The following ROBO1 variants were observed in gnomAD, a reference collection of about 807,000 sequenced individuals.
ROBO1 encodes the protein roundabout homolog 1.
In ROBO1, 149 loss-of-function variants were observed where a neutral mutation model predicts 195.9. The observed-to-expected ratio is 0.76, with a 90% CI of 0.67 to 0.87. ROBO1 has a LOEUF of 0.87. ROBO1 is among the 40% of genes least tolerant of loss of function. ROBO1 has a pLI of 0.00. For missense variants in ROBO1, 1,933 were observed against 2,068.3 expected, an observed-to-expected ratio of 0.93 and a Z score of 1.27; for synonymous variants, 816 against 733.2, an observed-to-expected ratio of 1.11 and a Z score of -1.82.
At chr3:79,547,869 GGA>G (rs1482737398) in intron 2 of ROBO1, among the ~76,000 whole-genome samples, 29 of 152,200 alleles carry the variant, frequency 1.9e-4, no homozygotes, top group Non-Finnish European at 7.4e-5. Context: ...GGGGTAAAGT[GGA>G]ATAATAATTA....
chr3:79,011,033 A>G (rs1291186205), intron 3 of ROBO1, among the ~76,000 whole-genome samples: 1 of 152,168 alleles, frequency 6.6e-6, no homozygotes, highest in African/African-American at 2.4e-5. Flanking sequence ...CCTGTACAAG[A>G]TGGTTTACTT....
chr3:79,630,212 C>A (rs1203784492), intron 1 of ROBO1, among the ~76,000 whole-genome samples: 1 of 151,982 alleles, frequency 6.6e-6, no homozygotes, highest in African/African-American at 2.4e-5. Flanking sequence ...AGGCCAATAT[C>A]TCTGATGAAA....
At chr3:79,055,283 AG>A (rs1181682313) in intron 3 of ROBO1, among the ~76,000 whole-genome samples, 1 of 152,140 alleles carries the variant, frequency 6.6e-6, no homozygotes, top group Non-Finnish European at 1.5e-5. Flanking sequence ...TTTTAAACAA[AG>A]GAGATAAGAC....
intron 2 of ROBO1, among the ~76,000 whole-genome samples, chr3:79,413,923 C>T (rs1280753567): frequency 6.6e-6 from 1 of 152,020 alleles, no homozygotes; most frequent in Non-Finnish European, 1.5e-5. Flanking sequence ...TATTTTTCTT[C>T]ATTCCTTCTA....
intron 2 of ROBO1, among the ~76,000 whole-genome samples, chr3:79,541,811 A>ATGTG (rs759471208): frequency 6.8e-6 from 1 of 146,972 alleles, no homozygotes; most frequent in Non-Finnish European, 1.5e-5. Flanking sequence ...GTGTATATAT[A>ATGTG]TGTGTGTGTG....
At chr3:78,885,909 T>TATATATATA (rs2036531933) in intron 4 of ROBO1, among the ~76,000 whole-genome samples, 2 of 117,752 alleles carry the variant, frequency 1.7e-5, no homozygotes, top group African/African-American at 6.7e-5. Flanking sequence ...TAGCAAAATT[T>TATATATATA]TATATATATA....
intron 2 of ROBO1, among the ~76,000 whole-genome samples, chr3:79,230,644 T>C (rs774281790): frequency 3.9e-5 from 6 of 152,080 alleles, no homozygotes; most frequent in Admixed American, 2.0e-4. Context: ...CCCATGCTCA[T>C]GGATAGGAAG....
intron 4 of ROBO1, among the ~76,000 whole-genome samples, chr3:78,844,657 T>C (rs532380127): frequency 1.4e-3 from 215 of 152,192 alleles, no homozygotes; most frequent in Non-Finnish European, 8.4e-4. Context: ...AAAATACACT[T>C]GATCCTCAAT....
chr3:78,925,445 A>C (rs1164544620), intron 4 of ROBO1, among the ~76,000 whole-genome samples: 26 of 152,210 alleles, frequency 1.7e-4, no homozygotes, highest in Admixed American at 1.7e-3. Context: ...GTTTCCAAAC[A>C]GGAAAAAAAT....
chr3:78,882,795 C>A (rs1173166797), intron 4 of ROBO1, among the ~76,000 whole-genome samples: 1 of 150,146 alleles, frequency 6.7e-6, no homozygotes, highest in East Asian at 2.0e-4. Flanking sequence ...CGGGATAACA[C>A]CTCTGTTCTT....
intron 4 of ROBO1, among the ~76,000 whole-genome samples, chr3:78,907,982 A>G (rs184332757): frequency 1.3e-5 from 2 of 152,086 alleles, no homozygotes; most frequent in African/African-American, 4.8e-5. Flanking sequence ...CCAAAGTATC[A>G]TTCATGGAAA....
intron 4 of ROBO1, among the ~76,000 whole-genome samples, chr3:78,882,179 G>C (rs1189412896): frequency 6.6e-6 from 1 of 152,048 alleles, no homozygotes; most frequent in East Asian, 1.9e-4. Flanking sequence ...GAGATACAGG[G>C]CTACATTTGG....
At chr3:79,365,205 C>T (rs984028759) in intron 2 of ROBO1, among the ~76,000 whole-genome samples, 7 of 152,098 alleles carry the variant, frequency 4.6e-5, no homozygotes, top group African/African-American at 1.2e-4. Flanking sequence ...ATCTAATGGC[C>T]ACAGCCACCC....
intron 4 of ROBO1, among the ~76,000 whole-genome samples, chr3:78,780,326 A>G (rs915946006): frequency 1.3e-5 from 2 of 152,212 alleles, no homozygotes; most frequent in Non-Finnish European, 2.9e-5. Context: ...GCAGCATATT[A>G]CAATAAGACG....
intron 2 of ROBO1, among the ~76,000 whole-genome samples, chr3:79,253,612 G>C (rs1334515758): frequency 6.6e-6 from 1 of 152,050 alleles, no homozygotes; most frequent in Non-Finnish European, 1.5e-5. Context: ...ATTAGAACAA[G>C]GAAACACAAA....
chr3:79,758,170 TGA>T (rs775150054), intron 1 of ROBO1, among the ~76,000 whole-genome samples: 68 of 152,358 alleles, frequency 4.5e-4, no homozygotes, highest in Non-Finnish European at 8.1e-4. Flanking sequence ...AATTTTACTG[TGA>T]GTCTATTCTT....
chr3:79,625,278 C>T (rs1945131932), intron 1 of ROBO1, among the ~76,000 whole-genome samples: 1 of 151,046 alleles, frequency 6.6e-6, no homozygotes, highest in Non-Finnish European at 1.5e-5. Flanking sequence ...CCTAACATCA[C>T]AATTAAAAGA....
chr3:79,578,256 T>C (rs914094757), intron 2 of ROBO1, among the ~76,000 whole-genome samples: 1 of 152,160 alleles, frequency 6.6e-6, no homozygotes, highest in Non-Finnish European at 1.5e-5. Flanking sequence ...AACTTAGTCT[T>C]ACAATAAAAG....
intron 1 of ROBO1, among the ~76,000 whole-genome samples, chr3:79,718,343 A>T (rs1702569197): frequency 6.6e-6 from 1 of 151,970 alleles, no homozygotes; most frequent in Admixed American, 6.6e-5. Flanking sequence ...GAGAAATAAT[A>T]TTTTCTAACA....
Sources: allele counts gnomAD v4.1 joint callset (sites outside exome capture counted in the v4.1 genomes callset), GRCh38; gene constraint gnomAD v4.1.1; transcripts MANE v1.5; gene names NCBI Gene and HGNC (gene_info 2026-07-23, HGNC 2026-07-21).